The following SGCD variants were observed in gnomAD, a reference collection of about 807,000 sequenced individuals.
The protein encoded by SGCD is delta-sarcoglycan.
SGCD carries 18 observed loss-of-function variants against 36.6 expected under a neutral mutation model. That is an observed-to-expected ratio of 0.49 (90% confidence interval 0.34 to 0.73). The LOEUF (loss-of-function observed/expected upper bound fraction) is 0.73, where lower values mean the gene tolerates loss of function less well. Among genes scored for constraint, SGCD ranks in the 30% least tolerant of loss-of-function variants. SGCD has a pLI of 0.01. For missense variants in SGCD, 387 were observed against 346.7 expected (o/e 1.12, Z -0.92); for synonymous variants, 133 against 130.6 (o/e 1.02, Z -0.12).
chr5:156,466,557 A>G (rs62382696), intron 3 of SGCD, among the ~76,000 whole-genome samples: 6,471 of 152,196 alleles, frequency 0.043, 210 homozygotes, highest in Middle Eastern at 0.11. Context: ...GATTAAGAGT[A>G]CACACTCTTT....
chr5:156,405,261 G>A (rs1772346413), intron 3 of SGCD, among the ~76,000 whole-genome samples: 1 of 152,138 alleles, frequency 6.6e-6, no homozygotes, highest in Non-Finnish European at 1.5e-5. Flanking sequence ...CTCTGTCTGG[G>A]CTTCTGAAGG....
At chr5:156,038,289 A>G (rs1218570369) in intron 1 of SGCD, among the ~76,000 whole-genome samples, 1 of 152,194 alleles carries the variant, frequency 6.6e-6, no homozygotes, top group Admixed American at 6.5e-5. Flanking sequence ...AGGTCATGAA[A>G]GACAGGGAAA....
At chr5:155,981,093 A>G (rs997051013) in intron 1 of SGCD, among the ~76,000 whole-genome samples, 4 of 152,190 alleles carry the variant, frequency 2.6e-5, no homozygotes, top group African/African-American at 9.7e-5. Context: ...AGGAGGGCGG[A>G]TCCAGCTGGA....
chr5:155,990,732 T>A (rs1758413874), intron 1 of SGCD, among the ~76,000 whole-genome samples: 1 of 152,234 alleles, frequency 6.6e-6, no homozygotes, highest in Admixed American at 6.5e-5. Flanking sequence ...AAGTATTCCA[T>A]GCATCACATT....
chr5:155,775,671 G>C, the SGCD span, among the ~76,000 whole-genome samples: 1 of 152,008 alleles, frequency 6.6e-6, no homozygotes, highest in Non-Finnish European at 1.5e-5. Flanking sequence ...TAAGCAAACA[G>C]GGTGAAAATG....
intron 3 of SGCD, among the ~76,000 whole-genome samples, chr5:156,440,663 G>A (rs1200364529): frequency 6.6e-6 from 1 of 152,106 alleles, no homozygotes; most frequent in Non-Finnish European, 1.5e-5. Context: ...TAGTGGGTGT[G>A]AAGTGGTACT....
At chr5:156,045,875 C>T (rs1759752999) in intron 1 of SGCD, among the ~76,000 whole-genome samples, 1 of 152,134 alleles carries the variant, frequency 6.6e-6, no homozygotes, top group South Asian at 2.1e-4. Flanking sequence ...GGAGTTAGGG[C>T]ATCAACATAT....
At chr5:155,913,141 T>C (rs1043055268) in intron 1 of SGCD, among the ~76,000 whole-genome samples, 5 of 152,146 alleles carry the variant, frequency 3.3e-5, no homozygotes, top group African/African-American at 1.2e-4. Context: ...GTTTCTCAAC[T>C]CAAGGAGGCT....
intron 3 of SGCD, among the ~76,000 whole-genome samples, chr5:156,278,019 G>GA (rs1212970564): frequency 6.6e-6 from 1 of 151,996 alleles, no homozygotes; most frequent in Non-Finnish European, 1.5e-5. Flanking sequence ...TCATATAAAA[G>GA]AAAAAAGGGG....
chr5:156,517,739 C>CT (rs1227317691), intron 4 of SGCD, among the ~76,000 whole-genome samples: 1 of 152,136 alleles, frequency 6.6e-6, no homozygotes, highest in Admixed American at 6.5e-5. Flanking sequence ...TCTAGCCAAA[C>CT]TAAACTTCCT....
the SGCD span, among the ~76,000 whole-genome samples, chr5:155,738,630 G>T: frequency 9.9e-5 from 15 of 152,010 alleles, no homozygotes; most frequent in Non-Finnish European, 1.9e-4. Flanking sequence ...CTGAGAGAGA[G>T]AGTCTGTGAG....
At position 156,744,387 on chromosome 5, in the gene SGCD, C is replaced by A. The variant is rs781302081; in HGVS notation, c.576-13194C>A. Among the ~76,000 whole-genome samples the A allele has an allele frequency of 3.9e-5, 6 of 152,152 alleles. No homozygotes were observed. The South Asian group carries it at 6.2e-4, about 16-fold the overall frequency. Reference sequence around the variant, plus strand: ...CACCTTGTTAGTGTGGGGCAGCAGCCGAGACTTTAGTCTTTTGGCTCCCAC... The same window carrying A: ...CACCTTGTTAGTGTGGGGCAGCAGCAGAGACTTTAGTCTTTTGGCTCCCAC... On this transcript the variant is annotated intron_variant, in intron 7 of 8. Transcript: ENST00000337851.
At chr5:156,608,863 C>T (rs986924441) in intron 6 of SGCD, among the ~76,000 whole-genome samples, 4 of 151,850 alleles carry the variant, frequency 2.6e-5, no homozygotes, top group African/African-American at 9.7e-5. Context: ...ACTAGGATTG[C>T]AACCCCTGCC....
intron 1 of SGCD, among the ~76,000 whole-genome samples, chr5:156,117,122 C>T (rs138242182): frequency 3.1e-3 from 473 of 152,108 alleles, no homozygotes; most frequent in Middle Eastern, 0.017. Context: ...AGATAATATG[C>T]CTATACAATG....
intron 2 of SGCD, among the ~76,000 whole-genome samples, chr5:156,340,424 G>C (rs961046310): frequency 6.6e-6 from 1 of 152,156 alleles, no homozygotes. Context: ...TGGGTGGAAG[G>C]AGTATTCCTA....
chr5:155,965,964 A>T (rs1757894744), intron 1 of SGCD, among the ~76,000 whole-genome samples: 1 of 152,066 alleles, frequency 6.6e-6, no homozygotes, highest in Admixed American at 6.6e-5. Context: ...GTAGGACTTG[A>T]GGAAAAAAAA....
intron 3 of SGCD, among the ~76,000 whole-genome samples, chr5:156,309,240 T>G (rs944286987): frequency 6.6e-6 from 1 of 152,184 alleles, no homozygotes; most frequent in Non-Finnish European, 1.5e-5. Flanking sequence ...TGCCCTGTTC[T>G]CTCTCTTTTT....
intron 1 of SGCD, among the ~76,000 whole-genome samples, chr5:155,933,575 T>A (rs1311373816): frequency 6.6e-6 from 1 of 152,224 alleles, no homozygotes; most frequent in African/African-American, 2.4e-5. Flanking sequence ...TCATTCTTAC[T>A]GTTGAATGCA....
rs574718879 is a variant in SGCD at position 156,634,458 on chromosome 5, G to A, written c.503-13006G>A. The stretch of plus-strand genomic sequence containing the variant: ...CTTGAAGAAAAAACAAAGGAAAACA[G>A]CAACAACAACAACAACAACAACAAA... On this transcript the variant is annotated intron_variant, in intron 6 of 8. Transcript: ENST00000337851. Among the ~76,000 whole-genome samples the A allele has an allele frequency of 3.8e-4, 58 of 151,932 alleles. No individual in the cohort carries two copies. In the South Asian group the frequency reaches 5.6e-3, roughly 15 times the overall value.
Sources: gnomAD v4.1 joint callset for allele counts (sites outside exome capture counted in the v4.1 genomes callset) on GRCh38, gnomAD v4.1.1 for gene constraint, MANE v1.5 for transcripts, NCBI Gene and HGNC (gene_info 2026-07-23, HGNC 2026-07-21) for gene names.